The following CYP39A1 variants were observed in gnomAD, a reference collection of about 807,000 sequenced individuals.
CYP39A1 encodes the protein cytochrome P450 family 39 subfamily A member 1, also known as 24-hydroxycholesterol 7-alpha-hydroxylase.
CYP39A1 carries 49 observed loss-of-function variants against 58.1 expected under a neutral mutation model. The observed-to-expected ratio is 0.84, with a 90% confidence interval of 0.67 to 1.07. The LOEUF (loss-of-function observed/expected upper bound fraction) is 1.07, where lower values mean the gene tolerates loss of function less well. CYP39A1 is among the 50% of genes least tolerant of loss of function. The probability of loss-of-function intolerance (pLI) is 0.00; values close to 1 mark genes in which losing one functional copy is unlikely to be tolerated. For missense variants in CYP39A1, 531 were observed against 539.4 expected, an observed-to-expected ratio of 0.98 and a Z score of 0.16; for synonymous variants, 209 against 187.6, an observed-to-expected ratio of 1.11 and a Z score of -0.93.
At chr6:46,601,754 C>G (rs1291193561) in intron 7 of CYP39A1, among the ~76,000 whole-genome samples, 1 of 151,490 alleles carries the variant, frequency 6.6e-6, no homozygotes, top group Non-Finnish European at 1.5e-5. Context: ...CTCCTGACCT[C>G]AGGTGATCCG....
At chr6:46,614,669 T>C (rs1434609363) in intron 7 of CYP39A1, among the ~76,000 whole-genome samples, 2 of 152,184 alleles carry the variant, frequency 1.3e-5, no homozygotes, top group African/African-American at 4.8e-5. Flanking sequence ...ATTCTGATCA[T>C]TACACTTTCT....
chr6:46,607,502 C>T (rs1773921080), intron 7 of CYP39A1, among the ~76,000 whole-genome samples: 1 of 151,390 alleles, frequency 6.6e-6, no homozygotes, highest in Non-Finnish European at 1.5e-5. Flanking sequence ...TGCATACATG[C>T]AGACATAGTA....
chr6:46,643,311 G>C (rs1776461888), intron 1 of CYP39A1, among the ~76,000 whole-genome samples: 1 of 152,044 alleles, frequency 6.6e-6, no homozygotes, highest in Non-Finnish European at 1.5e-5. Context: ...ATATCTCAAG[G>C]CATAATTTAT....
At position 46,637,960 on chromosome 6, in the gene CYP39A1, G is replaced by T; in HGVS notation, c.507C>A (p.Val169=). 1 of 1,610,304 alleles carries T rather than the reference G, an allele frequency of 6.2e-7. No homozygotes were observed. The highest frequency in any genetic ancestry group is 1.1e-5 in the South Asian group (1 of 89,988). ...TTTTATTAAAGAGCATATTCACTGT[G>T]ACTGGATAAAGGAGATGTCTACAAA... ...NNLVRHLLYP[V]TVNMLFNKSL... Residue 169 remains valine, a synonymous_variant, in exon 4 of 12, where the codon GTC becomes GTA. Transcript: ENST00000275016.
chr6:46,584,465 C>T (rs1772339050), intron 10 of CYP39A1, among the ~76,000 whole-genome samples: 2 of 152,102 alleles, frequency 1.3e-5, no homozygotes, highest in South Asian at 4.1e-4. Flanking sequence ...CACCTGACCC[C>T]CGCTTCTAAT....
chr6:46,562,248 C>A (rs1215955528), intron 10 of CYP39A1, among the ~76,000 whole-genome samples: 2 of 151,940 alleles, frequency 1.3e-5, no homozygotes, highest in African/African-American at 4.8e-5. Flanking sequence ...GTCTTGAACT[C>A]CTGACCTCAG....
chr6:46,610,514 A>AT (rs1465145564), intron 7 of CYP39A1, among the ~76,000 whole-genome samples: 6 of 151,686 alleles, frequency 4.0e-5, no homozygotes, highest in Admixed American at 3.3e-4. Flanking sequence ...ACTAAATTTT[A>AT]TTTTTTAATT....
chr6:46,561,840 C>T (rs900744937), intron 10 of CYP39A1, among the ~76,000 whole-genome samples: 19 of 151,916 alleles, frequency 1.3e-4, no homozygotes, highest in Admixed American at 3.3e-4. Flanking sequence ...TTAGAAATAC[C>T]GTGCATATTT....
intron 1 of CYP39A1, among the ~76,000 whole-genome samples, chr6:46,644,559 G>T (rs1479345833): frequency 1.3e-5 from 2 of 152,168 alleles, no homozygotes; most frequent in African/African-American, 4.8e-5. Context: ...TTGAAAGACA[G>T]TGAGATTCTT....
Position 46,639,553 on chromosome 6 carries a change from T to C in CYP39A1, c.429A>G (p.Leu143=). 1 of 1,614,168 alleles carries C rather than the reference T, an allele frequency of 6.2e-7. No individual in the cohort carries two copies. The highest frequency in any genetic ancestry group is 8.5e-7 in the Non-Finnish European group (1 of 1,180,008). ...HQFTGQLTEE[L]HEQLENLGTH... ...TGCCTAAATTCTCCAGTTGTTCATG[T>C]AATTCTTCAGTCAGTTGCCCAGTAA... Residue 143 remains leucine, a synonymous_variant, in exon 3 of 12, where the codon TTA becomes TTG. Transcript: ENST00000275016.
chr6:46,557,209 G>A (rs1465316575), intron 10 of CYP39A1, among the ~76,000 whole-genome samples: 2 of 151,808 alleles, frequency 1.3e-5, no homozygotes, highest in Non-Finnish European at 2.9e-5. Flanking sequence ...ATAAAATAAC[G>A]AAGTCTAACA....
At chr6:46,631,774 C>T (rs1775675987) in intron 5 of CYP39A1, among the ~76,000 whole-genome samples, 1 of 152,166 alleles carries the variant, frequency 6.6e-6, no homozygotes, top group East Asian at 1.9e-4. Context: ...CAGGGCAGGG[C>T]CCCATCCAAG....
In CYP39A1 at chr6:46,642,175, C is replaced by A; in HGVS notation, c.301G>T (p.Val101Phe). 1.9e-6 allele frequency: 3 copies of A among 1,612,470 alleles called. No individual in the cohort carries two copies. The highest frequency in any genetic ancestry group is 1.1e-5 in the South Asian group (1 of 90,942). The change falls in exon 2 of 12, where the codon GTT becomes TTT. Residue 101 changes from valine to phenylalanine, a missense_variant. Val to Phe is a conservative substitution (Grantham distance 50). Transcript: ENST00000275016. The stretch of plus-strand genomic sequence containing the variant: ...AAATATTCTTTACCTGTACGATAAA[C>A]GATATTTTGCACTGCTAGTTCAAAA... ...VDFELAVQNI[V>F]YRTASIPKNV...
intron 4 of CYP39A1, among the ~76,000 whole-genome samples, chr6:46,637,185 C>T (rs1359766066): frequency 2.0e-5 from 3 of 152,184 alleles, no homozygotes; most frequent in African/African-American, 7.2e-5. Context: ...TTCAGACCCC[C>T]AGCCTCCAGG....
chr6:46,554,866 A>G (rs1770591335), intron 10 of CYP39A1, among the ~76,000 whole-genome samples: 1 of 152,054 alleles, frequency 6.6e-6, no homozygotes, highest in African/African-American at 2.4e-5. Flanking sequence ...CCTTATCTCC[A>G]GTCCCTCCAT....
At chr6:46,552,736 G>A (rs1770469041) in intron 11 of CYP39A1, among the ~76,000 whole-genome samples, 1 of 152,100 alleles carries the variant, frequency 6.6e-6, no homozygotes. Context: ...GGTCCTCAAA[G>A]TGTGGCACCC....
chr6:46,632,015 T>G (rs1775693017), intron 5 of CYP39A1, among the ~76,000 whole-genome samples: 1 of 152,212 alleles, frequency 6.6e-6, no homozygotes, highest in African/African-American at 2.4e-5. Context: ...CACTGCTTGC[T>G]AAGGGCAAGT....
In CYP39A1 at chr6:46,563,471, C is replaced by G. The variant is rs574027603; in HGVS notation, c.1251-9617G>C. Among the ~76,000 whole-genome samples, 3 of 152,114 alleles carry G rather than the reference C, an allele frequency of 2.0e-5. No individual in the cohort carries two copies. In the South Asian group the frequency reaches 6.2e-4, roughly 32 times the overall value. ...AAATTTTTTAAATACTTGGTACTTGCGTATTTTCTGCATTTGTATTTAAAT... is the reference window on the plus strand; with the variant it reads ...AAATTTTTTAAATACTTGGTACTTGGGTATTTTCTGCATTTGTATTTAAAT... On this transcript the variant is annotated intron_variant, in intron 10 of 11. Coordinates refer to ENST00000275016, the MANE Select transcript of CYP39A1 (RefSeq NM_016593.5).
intron 3 of CYP39A1, 136 bp from the exon 4 acceptor site, chr6:46,638,114 A>C: frequency 3.6e-6 from 3 of 841,322 alleles, no homozygotes; most frequent in Non-Finnish European, 5.2e-6. Flanking sequence ...GGAAAAAGTC[A>C]CTCTTAAGAA....
Sources: allele counts gnomAD v4.1 joint callset (sites outside exome capture counted in the v4.1 genomes callset), GRCh38; gene constraint gnomAD v4.1.1; transcripts MANE v1.5; gene names NCBI Gene and HGNC (gene_info 2026-07-23, HGNC 2026-07-21).